The following CFAP20DC variants were observed in gnomAD, a reference collection of about 807,000 sequenced individuals.
CFAP20DC encodes CFAP20 domain containing.
A neutral mutation model predicts 101.7 loss-of-function variants in CFAP20DC; 84 were observed. The observed-to-expected ratio is 0.83, with a 90% CI of 0.69 to 0.99. The LOEUF (loss-of-function observed/expected upper bound fraction) is 0.99, where lower values mean the gene tolerates loss of function less well. Ranked by LOEUF, CFAP20DC falls within the 50% of genes least tolerant of loss-of-function variation. The pLI is 0.00. For synonymous variants in CFAP20DC, 359 were observed against 351.2 expected (o/e 1.02, Z -0.25); for missense variants, 1,007 against 970.3 (o/e 1.04, Z -0.50).
intron 13 of CFAP20DC, among the ~76,000 whole-genome samples, chr3:58,846,683 C>A (rs1474661259): frequency 6.6e-6 from 1 of 151,598 alleles, no homozygotes; most frequent in Non-Finnish European, 1.5e-5. Flanking sequence ...TTATATGGAA[C>A]CAAAAAAGAG....
chr3:58,894,612 TG>T lies in CFAP20DC; in HGVS notation c.551-9904del, dbSNP rs1381071505. Among the ~76,000 whole-genome samples, 2 of 152,196 alleles carry T rather than the reference TG, an allele frequency of 1.3e-5. No homozygotes were observed. Among genetic ancestry groups the T allele is most frequent in the Admixed American group, 6.5e-5 (1 of 15,284 alleles). On this transcript the variant is annotated intron_variant, in intron 6 of 16. Coordinates refer to ENST00000482387, the MANE Select transcript of CFAP20DC (RefSeq NM_001394063.1). This position sits in a 1 kb window ranked among gnomAD's most constrained non-coding sequence, Gnocchi z 4.1. ...TGCTTTCATGGGCTGGCACTGTCTG[TG>T]GGTTTTCCAGGCACACAGTGCAAGC...
intron 4 of CFAP20DC, among the ~76,000 whole-genome samples, chr3:59,032,047 C>T (rs889883364): frequency 4.6e-5 from 7 of 152,108 alleles, no homozygotes; most frequent in Admixed American, 1.3e-4. Flanking sequence ...CCAAGGAGGG[C>T]GAGCCAAAGC....
intron 15 of CFAP20DC, among the ~76,000 whole-genome samples, chr3:58,779,465 C>T (rs1417539389): frequency 6.6e-6 from 1 of 152,052 alleles, no homozygotes. Flanking sequence ...AGGATACAAC[C>T]ATCTAAATAT....
At chr3:58,862,719 A>G in intron 12 of CFAP20DC, 1 of 962,864 alleles carries the variant, frequency 1.0e-6, no homozygotes, top group Non-Finnish European at 1.2e-6. Flanking sequence ...TTTTCTAGTT[A>G]TTTCTATAAT....
At chr3:58,769,738 G>T (rs562780888) in intron 15 of CFAP20DC, among the ~76,000 whole-genome samples, 1 of 152,146 alleles carries the variant, frequency 6.6e-6, no homozygotes, top group Non-Finnish European at 1.5e-5. Flanking sequence ...GTGACATCTG[G>T]AATAGGATCA....
At chr3:59,043,326 T>G (rs1048378421) in intron 3 of CFAP20DC, among the ~76,000 whole-genome samples, 1 of 151,986 alleles carries the variant, frequency 6.6e-6, no homozygotes, top group Non-Finnish European at 1.5e-5. Context: ...ACTAGGAGTA[T>G]GGACATCTTG....
intron 6 of CFAP20DC, among the ~76,000 whole-genome samples, chr3:58,888,828 C>T (rs1332909962): frequency 6.6e-6 from 1 of 152,068 alleles, no homozygotes; most frequent in African/African-American, 2.4e-5. Context: ...TGGGTATATA[C>T]CTAGTAATGG....
At chr3:59,027,596 G>T (rs1225449949) in intron 4 of CFAP20DC, among the ~76,000 whole-genome samples, 7 of 152,120 alleles carry the variant, frequency 4.6e-5, no homozygotes, top group African/African-American at 1.7e-4. Flanking sequence ...GATAGAAAAA[G>T]GAATTAATGC....
rs909060512 is a variant in CFAP20DC, at chr3:59,006,494, G to A, written c.278+33063C>T. ...AGGCAAAAAACTGTGAGTTCCCAAA[G>A]TGTGAGGTGGGGAATCCTGCCTCTG... is the stretch of plus-strand genomic sequence containing the variant. On this transcript the variant is annotated intron_variant, in intron 4 of 16. Transcript: ENST00000482387. This position sits in a 1 kb window ranked among gnomAD's most constrained non-coding sequence, Gnocchi z 4.3. Among the ~76,000 whole-genome samples the A allele has an allele frequency of 6.6e-6, 1 of 152,238 alleles. No homozygotes were observed. The highest frequency in any genetic ancestry group is 1.5e-5 in the Non-Finnish European group (1 of 68,040).
intron 4 of CFAP20DC, among the ~76,000 whole-genome samples, chr3:58,944,849 A>G (rs2089130891): frequency 6.6e-6 from 1 of 152,166 alleles, no homozygotes. Flanking sequence ...TCTCCAAGCT[A>G]GCAAGACTGG....
chr3:58,813,018 A>G (rs1247566442), intron 14 of CFAP20DC, among the ~76,000 whole-genome samples: 1 of 151,904 alleles, frequency 6.6e-6, no homozygotes, highest in Non-Finnish European at 1.5e-5. Context: ...CACAGAAAAT[A>G]CATTTAGTCT....
At chr3:58,750,036 T>C (rs180735911) in intron 16 of CFAP20DC, among the ~76,000 whole-genome samples, 1 of 152,260 alleles carries the variant, frequency 6.6e-6, no homozygotes, top group East Asian at 1.9e-4. Flanking sequence ...GAGATCCGAA[T>C]GCAGTGCTCT....
At chr3:58,847,573 T>A (rs1216545695) in intron 13 of CFAP20DC, among the ~76,000 whole-genome samples, 1 of 152,142 alleles carries the variant, frequency 6.6e-6, no homozygotes, top group African/African-American at 2.4e-5. Flanking sequence ...TTGCTGGGAC[T>A]GTAAACTAGT....
chr3:58,828,733 C>A (rs930178506), intron 14 of CFAP20DC, among the ~76,000 whole-genome samples: 1 of 151,730 alleles, frequency 6.6e-6, no homozygotes, highest in African/African-American at 2.4e-5. Flanking sequence ...TCATTTGTAC[C>A]CCAGTCTTCA....
intron 4 of CFAP20DC, among the ~76,000 whole-genome samples, chr3:59,029,497 C>T (rs2093950575): frequency 6.6e-6 from 1 of 152,022 alleles, no homozygotes; most frequent in South Asian, 2.1e-4. Flanking sequence ...ACAGAAACCA[C>T]TGTGCACAGG....
At chr3:58,743,514 G>GACCGAAACCAA (rs1393042272) in intron 16 of CFAP20DC, among the ~76,000 whole-genome samples, 1 of 152,144 alleles carries the variant, frequency 6.6e-6, no homozygotes, top group Non-Finnish European at 1.5e-5. Flanking sequence ...GGCTATTAAA[G>GACCGAAACCAA]ACCGAAACCA....
chr3:58,838,971 T>C (rs1295969079), intron 13 of CFAP20DC, among the ~76,000 whole-genome samples: 3 of 152,202 alleles, frequency 2.0e-5, no homozygotes, highest in African/African-American at 7.2e-5. Flanking sequence ...TTTAAGATAT[T>C]ATTTAAAGAA....
Position 58,742,223 on chromosome 3 carries a change from C to G in CFAP20DC, c.*237G>C, listed in dbSNP as rs1353652775. ...GAATGAGAACAAACAAGAACCAATT[C>G]AAACTCCTAAAATCTTGCCTCTGTA... On this transcript the variant is annotated 3_prime_UTR_variant, in exon 17 of 17. Coordinates refer to ENST00000482387, the MANE Select transcript of CFAP20DC (RefSeq NM_001394063.1). 3 of 1,055,020 alleles carry G rather than the reference C, an allele frequency of 2.8e-6. No homozygotes were observed. Among genetic ancestry groups the G allele is most frequent in the Non-Finnish European group, 3.5e-6 (3 of 865,144 alleles). The allele number at this position is 1,055,020 out of a possible 1,614,324, so 65.4% of individuals were successfully genotyped here.
intron 6 of CFAP20DC, among the ~76,000 whole-genome samples, chr3:58,906,666 A>C (rs1209083683): frequency 6.6e-6 from 1 of 152,188 alleles, no homozygotes; most frequent in East Asian, 1.9e-4. Flanking sequence ...GCAGTGGCTC[A>C]CAACTGTAAT....
Sources: allele counts gnomAD v4.1 joint callset (sites outside exome capture counted in the v4.1 genomes callset), GRCh38; gene constraint gnomAD v4.1.1; non-coding constraint Gnocchi (gnomAD v3.1); transcripts MANE v1.5; gene names NCBI Gene and HGNC (gene_info 2026-07-23, HGNC 2026-07-21).